The following ZBBX variants were observed in gnomAD, a reference collection of about 807,000 sequenced individuals.
ZBBX encodes zinc finger B-box domain containing.
In ZBBX, 101 loss-of-function variants were observed where a neutral mutation model predicts 108.5. That is an observed-to-expected ratio of 0.93 (90% CI 0.79 to 1.10). The LOEUF (loss-of-function observed/expected upper bound fraction) is 1.10, where lower values mean the gene tolerates loss of function less well. ZBBX is among the 50% of genes least tolerant of loss of function. The probability of loss-of-function intolerance (pLI) is 0.00; values close to 1 mark genes in which losing one functional copy is unlikely to be tolerated. For missense variants in ZBBX, 1,009 were observed against 941.4 expected, an observed-to-expected ratio of 1.07 and a Z score of -0.94; for synonymous variants, 356 against 323.4, an observed-to-expected ratio of 1.10 and a Z score of -1.08.
chr3:167,390,279 T>C (rs1348495245), intron 1 of ZBBX, among the ~76,000 whole-genome samples: 3 of 152,150 alleles, frequency 2.0e-5, no homozygotes, highest in East Asian at 3.9e-4. Context: ...GTTGTAGATA[T>C]GTGGCATTAT....
At chr3:167,335,887 T>G (rs1016360805) in intron 9 of ZBBX, among the ~76,000 whole-genome samples, 10 of 152,096 alleles carry the variant, frequency 6.6e-5, no homozygotes, top group Admixed American at 6.6e-4. Flanking sequence ...AAAACCTATA[T>G]AGGCCTATAT....
At chr3:167,208,987 G>A in the ZBBX span, among the ~76,000 whole-genome samples, 2 of 152,116 alleles carry the variant, frequency 1.3e-5, no homozygotes, top group African/African-American at 2.4e-5. Context: ...GCTGGCTGAA[G>A]AGCGCTTGGG....
chr3:167,215,619 A>G, the ZBBX span, among the ~76,000 whole-genome samples: 11 of 152,210 alleles, frequency 7.2e-5, no homozygotes, highest in South Asian at 2.3e-3. Flanking sequence ...CTTCTCCCCA[A>G]CTCTTTCTGT....
chr3:167,193,748 G>A, the ZBBX span, among the ~76,000 whole-genome samples: 1 of 152,018 alleles, frequency 6.6e-6, no homozygotes, highest in African/African-American at 2.4e-5. Context: ...CAAATGAATG[G>A]ATAAAGAAAA....
the ZBBX span, among the ~76,000 whole-genome samples, chr3:167,231,031 T>C: frequency 1.3e-5 from 2 of 151,746 alleles, no homozygotes; most frequent in Non-Finnish European, 2.9e-5. Context: ...CGAAGGAAAC[T>C]CCTAGAGTCT....
chr3:167,371,289 A>T (rs983513886), intron 4 of ZBBX, among the ~76,000 whole-genome samples: 1 of 152,052 alleles, frequency 6.6e-6, no homozygotes, highest in African/African-American at 2.4e-5. Context: ...GAAGTCCCCA[A>T]AATCATGTGG....
At chr3:167,317,714 T>A in intron 12 of ZBBX, 117 bp from the exon 13 acceptor site, 2 of 546,050 alleles carry the variant, frequency 3.7e-6, no homozygotes, top group Non-Finnish European at 6.4e-6. Context: ...GATGAAACCG[T>A]AACTGTACCT....
intron 18 of ZBBX, 60 bp from the exon 19 acceptor site, chr3:167,289,043 A>T: frequency 8.2e-7 from 1 of 1,213,682 alleles, no homozygotes; most frequent in Non-Finnish European, 1.1e-6. Flanking sequence ...CCATTTTATT[A>T]GTTTTATATT....
intron 5 of ZBBX, among the ~76,000 whole-genome samples, chr3:167,366,436 G>A (rs1745324459): frequency 6.6e-6 from 1 of 151,648 alleles, no homozygotes; most frequent in African/African-American, 2.4e-5. Context: ...ACATAACAGA[G>A]ATTACAAAGA....
chr3:167,229,862 A>G, the ZBBX span, among the ~76,000 whole-genome samples: 2 of 151,880 alleles, frequency 1.3e-5, no homozygotes, highest in Admixed American at 1.3e-4. Context: ...GAATTAAACC[A>G]TAACTCACCT....
At chr3:167,266,982 C>T (rs569480146) in intron 20 of ZBBX, among the ~76,000 whole-genome samples, 8 of 152,256 alleles carry the variant, frequency 5.3e-5, no homozygotes, top group South Asian at 2.1e-4. Flanking sequence ...AGGAACAAGC[C>T]GGCAGCTTGG....
rs1489706713 is a variant in ZBBX at position 167,282,296 on chromosome 3, A to G, written c.2196T>C (p.Thr732=). The G allele has an allele frequency of 1.2e-6, 2 of 1,614,030 alleles. No homozygotes were observed. The highest frequency in any genetic ancestry group is 4.5e-5 in the East Asian group (2 of 44,870). The change falls in exon 20 of 22, where the codon ACT becomes ACC. Residue 732 remains threonine (T), a synonymous_variant. Transcript: ENST00000675490. ...DQNELSLDDT[T]DQHTLDNLEK... Reference sequence around the variant, plus strand: ...CCAAATTGTCTAAAGTATGTTGATCAGTAGTGTCATCTAAGGAAAGCTCAT... The same window carrying G: ...CCAAATTGTCTAAAGTATGTTGATCGGTAGTGTCATCTAAGGAAAGCTCAT...
chr3:167,277,947 A>G (rs1280236049), intron 20 of ZBBX, among the ~76,000 whole-genome samples: 1 of 150,828 alleles, frequency 6.6e-6, no homozygotes, highest in Non-Finnish European at 1.5e-5. Context: ...TAAGAATCTC[A>G]CTCAAAACCA....
intron 18 of ZBBX, among the ~76,000 whole-genome samples, chr3:167,296,708 G>T (rs1731748174): frequency 6.6e-6 from 1 of 151,936 alleles, no homozygotes; most frequent in South Asian, 2.1e-4. Flanking sequence ...ATAAAACATT[G>T]CTGAAAGAAA....
chr3:167,233,488 AG>A, the ZBBX span, among the ~76,000 whole-genome samples: 1 of 151,692 alleles, frequency 6.6e-6, no homozygotes, highest in South Asian at 2.1e-4. Flanking sequence ...AGAAAGAAAT[AG>A]AGCCAGTGAG....
At chr3:167,255,840 A>C (rs1723411452) in intron 20 of ZBBX, among the ~76,000 whole-genome samples, 1 of 152,100 alleles carries the variant, frequency 6.6e-6, no homozygotes, top group Non-Finnish European at 1.5e-5. Flanking sequence ...TTTTAAATGT[A>C]CAATTAAATT....
intron 8 of ZBBX, among the ~76,000 whole-genome samples, chr3:167,351,598 G>A (rs1284984740): frequency 4.6e-5 from 7 of 152,066 alleles, no homozygotes; most frequent in Non-Finnish European, 8.8e-5. Flanking sequence ...AGAGATCTAG[G>A]AGCCCCATAG....
At chr3:167,185,017 A>G in the ZBBX span, among the ~76,000 whole-genome samples, 17 of 152,178 alleles carry the variant, frequency 1.1e-4, no homozygotes, top group Non-Finnish European at 1.8e-4. Flanking sequence ...TTACAAATGC[A>G]TGTGAATCTA....
intron 9 of ZBBX, among the ~76,000 whole-genome samples, chr3:167,335,116 A>T (rs1739342889): frequency 6.6e-6 from 1 of 152,122 alleles, no homozygotes; most frequent in Non-Finnish European, 1.5e-5. Flanking sequence ...TCCTGCGTAG[A>T]TCTCTACCAG....
Sources: allele counts gnomAD v4.1 joint callset (sites outside exome capture counted in the v4.1 genomes callset), GRCh38; gene constraint gnomAD v4.1.1; transcripts MANE v1.5; gene names NCBI Gene and HGNC (gene_info 2026-07-23, HGNC 2026-07-21).